The following GLCE variants were observed in gnomAD, a reference collection of about 807,000 sequenced individuals.
The protein encoded by GLCE is D-glucuronyl C5-epimerase.
GLCE carries 19 observed loss-of-function variants against 47.9 expected under a neutral mutation model. The ratio of observed to expected loss-of-function variants is 0.40; its 90% CI spans 0.28 to 0.58. The LOEUF is 0.58. Among genes scored for constraint, GLCE ranks in the 20% least tolerant of loss-of-function variants. The pLI is 0.48. For synonymous variants in GLCE, 245 were observed against 263.4 expected, an observed-to-expected ratio of 0.93 and a Z score of 0.68; for missense variants, 556 against 743.3, an observed-to-expected ratio of 0.75 and a Z score of 2.93.
At chr15:69,206,572 A>G (rs1472387651) in intron 1 of GLCE, among the ~76,000 whole-genome samples, 1 of 152,066 alleles carries the variant, frequency 6.6e-6, no homozygotes, top group Non-Finnish European at 1.5e-5. Context: ...ACATTGGCTT[A>G]TAATTCAATA....
At chr15:69,175,685 C>T (rs1403350686) in intron 1 of GLCE, among the ~76,000 whole-genome samples, 1 of 152,116 alleles carries the variant, frequency 6.6e-6, no homozygotes, top group African/African-American at 2.4e-5. Context: ...ATCAAGGTAG[C>T]ATTGTCATAT....
intron 2 of GLCE, among the ~76,000 whole-genome samples, chr15:69,237,619 T>A (rs1043403039): frequency 1.1e-4 from 16 of 151,656 alleles, no homozygotes; most frequent in Admixed American, 3.3e-4. Flanking sequence ...AAAAAAAAAA[T>A]TGGGTACTGA....
chr15:69,206,808 T>C (rs2052158496), intron 1 of GLCE, among the ~76,000 whole-genome samples: 1 of 152,068 alleles, frequency 6.6e-6, no homozygotes, highest in African/African-American at 2.4e-5. Flanking sequence ...CTCTGGGTAC[T>C]GGATATACTT....
At chr15:69,255,765 C>A in intron 2 of GLCE, 29 bp from the exon 3 acceptor site, 1 of 1,323,370 alleles carries the variant, frequency 7.6e-7, no homozygotes, top group Non-Finnish European at 1.1e-6. Flanking sequence ...TACATCTTTG[C>A]ATGATTTTTT....
chr15:69,232,485 G>A (rs1401387296), intron 2 of GLCE, among the ~76,000 whole-genome samples: 1 of 152,022 alleles, frequency 6.6e-6, no homozygotes, highest in African/African-American at 2.4e-5. Flanking sequence ...ATATTAATAT[G>A]TCCGTATGTT....
intron 2 of GLCE, among the ~76,000 whole-genome samples, chr15:69,240,229 CGCCGAGA>C (rs2052647301): frequency 1.3e-5 from 2 of 149,794 alleles, no homozygotes; most frequent in East Asian, 3.9e-4. Flanking sequence ...TTTATCAAAC[CGCCGAGA>C]TCCCGCCACT....
intron 2 of GLCE, among the ~76,000 whole-genome samples, chr15:69,243,385 T>G (rs964510634): frequency 1.3e-5 from 2 of 152,188 alleles, no homozygotes; most frequent in African/African-American, 4.8e-5. Context: ...TGGTTCTCCT[T>G]TATCTCCATA....
rs894461171 is a variant in GLCE at position 69,185,029 on chromosome 15, C to T, written c.-105+24272C>T. ...GTTAGTTCTCCCAGTTTTTGCCACT[C>T]AGAGTTGTGGCGTGGATATTGGAGA... On this transcript the variant is annotated intron_variant, in intron 1 of 4. Transcript: ENST00000261858. Among the ~76,000 whole-genome samples the T allele has an allele frequency of 3.9e-5, 6 of 152,200 alleles. No homozygotes were observed. The East Asian group carries it at 5.8e-4, about 15-fold the overall frequency.
chr15:69,205,294 A>G, intron 1 of GLCE, among the ~76,000 whole-genome samples: 1 of 152,110 alleles, frequency 6.6e-6, no homozygotes, highest in East Asian at 1.9e-4. Flanking sequence ...TATGCCTTAT[A>G]AGATTCATAT....
At chr15:69,220,840 G>A (rs2052368157) in intron 2 of GLCE, among the ~76,000 whole-genome samples, 1 of 152,040 alleles carries the variant, frequency 6.6e-6, no homozygotes, top group Non-Finnish European at 1.5e-5. Context: ...GTAATATCCA[G>A]GAAATCATTA....
chr15:69,226,583 A>G (rs905256035), intron 2 of GLCE, among the ~76,000 whole-genome samples: 9 of 152,194 alleles, frequency 5.9e-5, no homozygotes, highest in African/African-American at 1.9e-4. Flanking sequence ...GAAAGCTTAT[A>G]CTAAAATGGA....
intron 1 of GLCE, among the ~76,000 whole-genome samples, chr15:69,166,695 G>A (rs1033643565): frequency 2.6e-5 from 4 of 152,098 alleles, no homozygotes; most frequent in Non-Finnish European, 5.9e-5. Context: ...CGAGGCGGGC[G>A]GATTACCTGA....
intron 1 of GLCE, among the ~76,000 whole-genome samples, chr15:69,161,683 T>A (rs2051424127): frequency 6.6e-6 from 1 of 152,182 alleles, no homozygotes; most frequent in South Asian, 2.1e-4. Flanking sequence ...GTTGGAGGAT[T>A]GATCGGTGTT....
chr15:69,211,291 A>G (rs1004730396), intron 2 of GLCE, among the ~76,000 whole-genome samples: 32 of 152,056 alleles, frequency 2.1e-4, no homozygotes, highest in African/African-American at 7.5e-4. Context: ...CATTCTAAAA[A>G]CTATTCACAC....
At chr15:69,191,092 A>C (rs908428971) in intron 1 of GLCE, among the ~76,000 whole-genome samples, 3 of 152,296 alleles carry the variant, frequency 2.0e-5, no homozygotes, top group African/African-American at 7.2e-5. Context: ...TTTATTTTAA[A>C]GAGTTGTAAA....
chr15:69,183,337 A>C (rs2051777450), intron 1 of GLCE, among the ~76,000 whole-genome samples: 1 of 152,224 alleles, frequency 6.6e-6, no homozygotes, highest in Admixed American at 6.5e-5. Context: ...TTCAGTTTGG[A>C]TGTTTTTAGG....
chr15:69,239,935 C>T (rs988152706), intron 2 of GLCE, among the ~76,000 whole-genome samples: 1 of 152,050 alleles, frequency 6.6e-6, no homozygotes, highest in African/African-American at 2.4e-5. Flanking sequence ...ACCCATTTTG[C>T]AACTTTTAAT....
chr15:69,222,305 G>C (rs892760496), intron 2 of GLCE, among the ~76,000 whole-genome samples: 2 of 152,158 alleles, frequency 1.3e-5, no homozygotes, highest in Admixed American at 1.3e-4. Context: ...GAGGCATTCT[G>C]GCAGGGGCAC....
At chr15:69,230,745 T>C (rs983576262) in intron 2 of GLCE, among the ~76,000 whole-genome samples, 1 of 152,222 alleles carries the variant, frequency 6.6e-6, no homozygotes, top group Admixed American at 6.5e-5. Flanking sequence ...GATGTATTTG[T>C]GTCCTGTTGT....
Sources: allele counts gnomAD v4.1 joint callset (sites outside exome capture counted in the v4.1 genomes callset), GRCh38; gene constraint gnomAD v4.1.1; transcripts MANE v1.5; gene names NCBI Gene and HGNC (gene_info 2026-07-23, HGNC 2026-07-21).